ADGRV1: variants seen among roughly 807,000 people sequenced by gnomAD.
ADGRV1 encodes G-protein coupled receptor 98.
A neutral mutation model predicts 596.2 loss-of-function variants in ADGRV1; 359 were observed. That is an observed-to-expected ratio of 0.60 (90% CI 0.55 to 0.66). The LOEUF is 0.66. ADGRV1 is among the 30% of genes least tolerant of loss of function. The pLI, the probability that ADGRV1 is intolerant of heterozygous loss-of-function variation, is 0.00. For missense variants in ADGRV1, 7,274 were observed against 7,575.6 expected (o/e 0.96, Z 1.48); for synonymous variants, 2,681 against 2,679.2 (o/e 1.00, Z -0.02).
intron 5 of ADGRV1, among the ~76,000 whole-genome samples, chr5:90,623,692 C>T (rs2152067355): frequency 6.6e-6 from 1 of 152,286 alleles, no homozygotes; most frequent in Non-Finnish European, 1.5e-5. Context: ...GGATTACAGT[C>T]ATGACCCACC....
At chr5:90,902,486 T>C (rs987944989) in intron 83 of ADGRV1, among the ~76,000 whole-genome samples, 3 of 152,136 alleles carry the variant, frequency 2.0e-5, no homozygotes, top group African/African-American at 7.2e-5. Context: ...GGTGCACTTA[T>C]CTTTTATTTG....
At chr5:90,643,486 C>G (rs1767277672) in intron 13 of ADGRV1, among the ~76,000 whole-genome samples, 1 of 152,126 alleles carries the variant, frequency 6.6e-6, no homozygotes, top group South Asian at 2.1e-4. Flanking sequence ...ACATATGTAA[C>G]TCTAATTTTA....
intron 85 of ADGRV1, among the ~76,000 whole-genome samples, chr5:91,041,284 C>T (rs1403375167): frequency 3.3e-5 from 5 of 152,142 alleles, no homozygotes; most frequent in African/African-American, 2.4e-5. Context: ...GGCACATATA[C>T]ACCATGGAAT....
chr5:90,987,504 G>A (rs1017238893), intron 85 of ADGRV1, among the ~76,000 whole-genome samples: 1 of 150,490 alleles, frequency 6.6e-6, no homozygotes, highest in Admixed American at 6.6e-5. Context: ...TTAGATCAGC[G>A]TGTCTAACCT....
chr5:90,718,729 TATTA>T (rs943117725), intron 43 of ADGRV1, among the ~76,000 whole-genome samples: 2 of 151,980 alleles, frequency 1.3e-5, no homozygotes, highest in Non-Finnish European at 2.9e-5. Flanking sequence ...TGAAATATTT[TATTA>T]ATTTTCTATT....
intron 85 of ADGRV1, among the ~76,000 whole-genome samples, chr5:91,050,000 T>C (rs929894231): frequency 1.3e-5 from 2 of 152,230 alleles, no homozygotes; most frequent in African/African-American, 4.8e-5. Flanking sequence ...ATGAGTCATG[T>C]GCGGGCCTGC....
chr5:91,102,943 T>C (rs1444066872), intron 87 of ADGRV1, among the ~76,000 whole-genome samples: 1 of 152,258 alleles, frequency 6.6e-6, no homozygotes. Context: ...ACCCTGATAT[T>C]AACAAATGGA....
intron 83 of ADGRV1, among the ~76,000 whole-genome samples, chr5:90,937,489 G>A (rs140209934): frequency 0.014 from 1,863 of 131,962 alleles, 48 homozygotes; most frequent in African/African-American, 0.05. Flanking sequence ...ACGGAGTCTA[G>A]CTCTGTCGCC....
chr5:90,859,797 T>C (rs2150433813), intron 82 of ADGRV1, among the ~76,000 whole-genome samples: 1 of 152,196 alleles, frequency 6.6e-6, no homozygotes, highest in South Asian at 2.1e-4. Context: ...CTATTTCATT[T>C]TAATTAATGA....
chr5:90,937,505 T>G (rs1004072428), intron 83 of ADGRV1, among the ~76,000 whole-genome samples: 3 of 146,948 alleles, frequency 2.0e-5, no homozygotes, highest in Admixed American at 7.0e-5. Flanking sequence ...TCGCCCAGGC[T>G]GGAGTGCAGT....
chr5:90,921,853 G>A (rs936266333), intron 83 of ADGRV1, among the ~76,000 whole-genome samples: 1 of 138,760 alleles, frequency 7.2e-6, no homozygotes, highest in African/African-American at 2.7e-5. Flanking sequence ...CCAGGTCAAT[G>A]CAGCACTACA....
intron 83 of ADGRV1, among the ~76,000 whole-genome samples, chr5:90,902,162 T>G (rs1300601549): frequency 1.3e-5 from 2 of 152,170 alleles, no homozygotes; most frequent in Non-Finnish European, 2.9e-5. Flanking sequence ...ATTCAAGCTT[T>G]ATTGATTTCT....
intron 83 of ADGRV1, among the ~76,000 whole-genome samples, chr5:90,869,481 A>C (rs1768455554): frequency 6.6e-6 from 1 of 152,188 alleles, no homozygotes; most frequent in Admixed American, 6.5e-5. Flanking sequence ...GAAGGATTAA[A>C]GGAAAAATGG....
chr5:90,592,867 T>C (rs1441701639), intron 1 of ADGRV1, among the ~76,000 whole-genome samples: 1 of 152,194 alleles, frequency 6.6e-6, no homozygotes, highest in Non-Finnish European at 1.5e-5. Context: ...TCACTGGTCA[T>C]CAGAGAAATG....
At chr5:90,944,094 A>T (rs2063245) in intron 83 of ADGRV1, among the ~76,000 whole-genome samples, 2 of 151,968 alleles carry the variant, frequency 1.3e-5, no homozygotes, top group Admixed American at 6.6e-5. Context: ...CTTTAAGTCC[A>T]TTTTATTCAT....
intron 83 of ADGRV1, among the ~76,000 whole-genome samples, chr5:90,866,006 G>C (rs1333792757): frequency 6.6e-6 from 1 of 152,136 alleles, no homozygotes; most frequent in African/African-American, 2.4e-5. Flanking sequence ...TGCAGGCTTG[G>C]CCTGTGGTTC....
Position 90,906,185 on chromosome 5 carries a change from A to G in ADGRV1, c.17856+42328A>G, listed in dbSNP as rs115681162. Among the ~76,000 whole-genome samples, 273 of 152,068 alleles carry G rather than the reference A, an allele frequency of 1.8e-3. 1 individual carries two copies. Among genetic ancestry groups the G allele is most frequent in the African/African-American group, 6.1e-3 (255 of 41,532 alleles). ...ATTTGTTGAAGATATTGGCCTGCAT[A>G]TATGTTTTTTGACATGTTTTTGTCT... On this transcript the variant is annotated intron_variant, in intron 83 of 89. Coordinates refer to ENST00000405460, the MANE Select transcript of ADGRV1 (RefSeq NM_032119.4).
At chr5:90,878,033 C>T (rs1769383371) in intron 83 of ADGRV1, among the ~76,000 whole-genome samples, 2 of 152,092 alleles carry the variant, frequency 1.3e-5, no homozygotes, top group South Asian at 4.1e-4. Flanking sequence ...TAGAAAAATA[C>T]AGTGATAATG....
chr5:90,898,403 A>G (rs112870266), intron 83 of ADGRV1, among the ~76,000 whole-genome samples: 15 of 152,200 alleles, frequency 9.9e-5, no homozygotes, highest in Middle Eastern at 3.4e-3. Flanking sequence ...TGGTTATCAT[A>G]TTTTAGTTTA....
Sources: allele counts gnomAD v4.1 joint callset (sites outside exome capture counted in the v4.1 genomes callset), GRCh38; gene constraint gnomAD v4.1.1; transcripts MANE v1.5; gene names NCBI Gene and HGNC (gene_info 2026-07-23, HGNC 2026-07-21).